The following FAM76B variants were observed in gnomAD, a reference collection of about 807,000 sequenced individuals.
The protein encoded by FAM76B is protein FAM76B.
A neutral mutation model predicts 51.8 loss-of-function variants in FAM76B; 16 were observed. The ratio of observed to expected loss-of-function variants is 0.31; its 90% CI spans 0.21 to 0.47. The LOEUF is 0.47. Among genes scored for constraint, FAM76B ranks in the 20% least tolerant of loss-of-function variants. The probability of loss-of-function intolerance (pLI) is 1.00; values close to 1 mark genes in which losing one functional copy is unlikely to be tolerated. For synonymous variants in FAM76B, 166 were observed against 129.5 expected (o/e 1.28, Z -1.91); for missense variants, 342 against 392.6 (o/e 0.87, Z 1.09).
chr11:95,780,974 A>G (rs1860236437), intron 5 of FAM76B, among the ~76,000 whole-genome samples: 1 of 152,098 alleles, frequency 6.6e-6, no homozygotes, highest in African/African-American at 2.4e-5. Flanking sequence ...ACTCAGCTGT[A>G]AACAAGTACC....
At chr11:95,772,190 A>G (rs1207982599) in intron 9 of FAM76B, among the ~76,000 whole-genome samples, 2 of 150,998 alleles carry the variant, frequency 1.3e-5, no homozygotes, top group Non-Finnish European at 3.0e-5. Flanking sequence ...AATGATATTC[A>G]ATTTTTTTTA....
At chr11:95,789,319 T>C in intron 1 of FAM76B, 73 bp downstream of exon 1, 1 of 1,481,872 alleles carries the variant, frequency 6.7e-7, no homozygotes, top group Non-Finnish European at 9.2e-7. Context: ...GGGGCTGCAG[T>C]GCAGCGGCTA....
chr11:95,778,553 A>G (rs1002898759), intron 8 of FAM76B, among the ~76,000 whole-genome samples: 2 of 151,512 alleles, frequency 1.3e-5, no homozygotes, highest in East Asian at 3.8e-4. Context: ...TAGGTATTAG[A>G]TCTATTTTTA....
Position 95,788,493 on chromosome 11 carries a change from A to G in FAM76B, c.152+6T>C. ...TTAACAGTCAAAAACTATTCAGTAT[A>G]CAAACCTCTCTTGTTGAAATTCTGA... On this transcript the variant is annotated splice_donor_region_variant and intron_variant, in intron 2 of 9. Coordinates refer to ENST00000358780, the MANE Select transcript of FAM76B (RefSeq NM_144664.5). 1 of 1,607,946 alleles carries G rather than the reference A, an allele frequency of 6.2e-7. No individual in the cohort carries two copies. The highest frequency in any genetic ancestry group is 8.5e-7 in the Non-Finnish European group (1 of 1,175,152).
At chr11:95,785,190 T>C (rs189495971) in intron 4 of FAM76B, among the ~76,000 whole-genome samples, 5 of 152,304 alleles carry the variant, frequency 3.3e-5, no homozygotes, top group Admixed American at 2.0e-4. Flanking sequence ...TAGTCTCCTG[T>C]TATACCTAAT....
intron 6 of FAM76B, 27 bp from the exon 7 acceptor site, chr11:95,779,714 T>C (rs1860170846): frequency 6.3e-7 from 1 of 1,599,910 alleles, no homozygotes; most frequent in African/African-American, 1.3e-5. Context: ...ATAAGAATAG[T>C]TAGAGTAAAA....
rs1006874345 is a variant in FAM76B at position 95,773,505 on chromosome 11, A to C, written c.931-1855T>G. On this transcript the variant is annotated intron_variant, in intron 9 of 9. Coordinates refer to ENST00000358780, the MANE Select transcript of FAM76B (RefSeq NM_144664.5). ...TGAAATTCTTTACAGACTCTTAAGAAAGCTAAGTTTTAAAGTTTAGACATG... is the reference window on the plus strand; with the variant it reads ...TGAAATTCTTTACAGACTCTTAAGACAGCTAAGTTTTAAAGTTTAGACATG... Among the ~76,000 whole-genome samples the C allele has an allele frequency of 2.7e-5, 4 of 150,510 alleles. No homozygotes were observed. In the East Asian group the frequency reaches 7.8e-4, roughly 29 times the overall value.
chr11:95,783,499 G>A (rs1860387588), intron 4 of FAM76B, among the ~76,000 whole-genome samples: 2 of 152,116 alleles, frequency 1.3e-5, no homozygotes, highest in South Asian at 4.1e-4. Context: ...CAGTTTTGAA[G>A]CATTTTTAAT....
At chr11:95,773,356 A>G (rs1220579415) in intron 9 of FAM76B, among the ~76,000 whole-genome samples, 1 of 150,138 alleles carries the variant, frequency 6.7e-6, no homozygotes, top group East Asian at 2.0e-4. Context: ...ACAAGTCCAA[A>G]TTATTCTAAT....
intron 9 of FAM76B, among the ~76,000 whole-genome samples, chr11:95,774,728 T>G (rs1185784428): frequency 6.6e-6 from 1 of 151,414 alleles, no homozygotes; most frequent in South Asian, 2.1e-4. Context: ...TGATATATGA[T>G]ACGGGCAATC....
intron 8 of FAM76B, 49 bp downstream of exon 8, chr11:95,778,773 A>C: frequency 6.6e-7 from 1 of 1,514,838 alleles, no homozygotes; most frequent in Non-Finnish European, 8.8e-7. Flanking sequence ...ATTATCAAGC[A>C]ACAGTCAACA....
chr11:95,784,767 T>A (rs1349000415), intron 4 of FAM76B, among the ~76,000 whole-genome samples: 1 of 151,990 alleles, frequency 6.6e-6, no homozygotes, highest in Admixed American at 6.6e-5. Context: ...TTTTGTATTT[T>A]TAGTAGAAAC....
chr11:95,788,812 C>T, intron 1 of FAM76B: 3 of 1,464,606 alleles, frequency 2.0e-6, no homozygotes, highest in South Asian at 1.2e-5. Flanking sequence ...GCTGTCAGGG[C>T]CTATTTCAAG....
chr11:95,789,167 C>G (rs1033413757), intron 1 of FAM76B: 2 of 1,081,858 alleles, frequency 1.8e-6, no homozygotes, highest in African/African-American at 1.6e-5. Context: ...CCGGCACCCT[C>G]CTGGGCCGCC....
intron 3 of FAM76B, 46 bp downstream of exon 3, chr11:95,787,578 A>C (rs1860671365): frequency 6.3e-7 from 1 of 1,576,598 alleles, no homozygotes; most frequent in Admixed American, 1.7e-5. Context: ...GCTTTATGAA[A>C]AATATTAACT....
At chr11:95,789,013 C>A (rs939003684) in intron 1 of FAM76B, 2 of 1,357,216 alleles carry the variant, frequency 1.5e-6, no homozygotes, top group South Asian at 2.4e-5. Flanking sequence ...AGTGCAAAAA[C>A]CGTCCCCTGC....
At chr11:95,779,418 T>C (rs1454858095) in intron 7 of FAM76B, 189 bp downstream of exon 7, 7 of 591,804 alleles carry the variant, frequency 1.2e-5, no homozygotes, top group African/African-American at 9.6e-5. Flanking sequence ...AACAACATAG[T>C]TCAGTGCCAC....
intron 4 of FAM76B, 47 bp downstream of exon 4, chr11:95,786,072 C>A (rs780666984): frequency 1.9e-6 from 3 of 1,575,096 alleles, no homozygotes; most frequent in South Asian, 2.3e-5. Context: ...ACTTGTTTGG[C>A]ATTTTATTTA....
chr11:95,775,913 G>T lies in FAM76B; in HGVS notation c.930+9C>A, dbSNP rs1320663839. On this transcript the variant is annotated intron_variant, in intron 9 of 9. Transcript: ENST00000358780. ...TTGCCTATCATTTTACGTAAATGATGGTAGTTACCTGAAGTTGTTCCACAG... is the reference window on the plus strand; with the variant it reads ...TTGCCTATCATTTTACGTAAATGATTGTAGTTACCTGAAGTTGTTCCACAG... 5 of 1,529,294 alleles carry T rather than the reference G, an allele frequency of 3.3e-6. No homozygotes were observed. Among genetic ancestry groups the T allele is most frequent in the South Asian group, 1.3e-5 (1 of 79,846 alleles). The allele number at this position is 1,529,294 out of a possible 1,614,324, so 94.7% of individuals were successfully genotyped here. A position where few individuals can be genotyped will look rare whatever the true frequency, so the allele number is the denominator to read the frequency against.
Sources: gnomAD v4.1 joint callset for allele counts (sites outside exome capture counted in the v4.1 genomes callset) on GRCh38, gnomAD v4.1.1 for gene constraint, MANE v1.5 for transcripts, NCBI Gene and HGNC (gene_info 2026-07-23, HGNC 2026-07-21) for gene names.